AGMO: variants seen among roughly 807,000 people sequenced by gnomAD.
AGMO encodes the protein glyceryl-ether monooxygenase.
A neutral mutation model predicts 60.2 loss-of-function variants in AGMO; 75 were observed. The ratio of observed to expected loss-of-function variants is 1.25; its 90% CI spans 1.03 to 1.51. The LOEUF (loss-of-function observed/expected upper bound fraction) is 1.51, where lower values mean the gene tolerates loss of function less well. AGMO is among the 40% of genes most tolerant of loss of function. The pLI is 0.00. For missense variants in AGMO, 763 were observed against 525.5 expected, an observed-to-expected ratio of 1.45 and a Z score of -4.42; for synonymous variants, 261 against 177.1, an observed-to-expected ratio of 1.47 and a Z score of -3.76.
chr7:15,333,791 A>G (rs1297777586), intron 12 of AGMO, among the ~76,000 whole-genome samples: 1 of 152,106 alleles, frequency 6.6e-6, no homozygotes, highest in Non-Finnish European at 1.5e-5. Flanking sequence ...TGACTGCAAT[A>G]AATATCAAAG....
chr7:15,190,118 T>TGCAGC, the AGMO span, among the ~76,000 whole-genome samples: 13 of 1,438 alleles, frequency 9.0e-3, no homozygotes, highest in African/African-American at 0.018. Flanking sequence ...TATATATATA[T>TGCAGC]ATATATATTT....
chr7:15,298,724 C>A (rs903047059), intron 12 of AGMO, among the ~76,000 whole-genome samples: 2 of 152,046 alleles, frequency 1.3e-5, no homozygotes, highest in Admixed American at 6.6e-5. Flanking sequence ...TATCAAGCCA[C>A]TCATTAATTT....
intron 2 of AGMO, among the ~76,000 whole-genome samples, chr7:15,548,367 T>C (rs1784848465): frequency 6.6e-6 from 1 of 151,736 alleles, no homozygotes. Flanking sequence ...CAAATTACTC[T>C]GAGCTATGGG....
the AGMO span, among the ~76,000 whole-genome samples, chr7:15,123,161 C>T: frequency 2.0e-5 from 3 of 152,122 alleles, no homozygotes; most frequent in East Asian, 5.8e-4. Flanking sequence ...ACTCCTTCAC[C>T]TCCAGCAAGT....
At chr7:15,199,769 T>C (rs2115461933), downstream of AGMO, among the ~76,000 whole-genome samples, 1 of 152,316 alleles carries the variant, frequency 6.6e-6, no homozygotes, top group South Asian at 2.1e-4. Flanking sequence ...TAGGCTTACG[T>C]ATTGTCTATA....
intron 12 of AGMO, among the ~76,000 whole-genome samples, chr7:15,310,960 T>C (rs1193201329): frequency 6.6e-6 from 1 of 152,022 alleles, no homozygotes. Context: ...TCACTCTGAC[T>C]CTCCCGCCTC....
At chr7:15,354,137 A>G (rs1404660068) in intron 12 of AGMO, among the ~76,000 whole-genome samples, 1 of 151,618 alleles carries the variant, frequency 6.6e-6, no homozygotes, top group Non-Finnish European at 1.5e-5. Context: ...GGAAGAGGAC[A>G]ATGTTTTTTT....
intron 12 of AGMO, among the ~76,000 whole-genome samples, chr7:15,271,066 C>T (rs118186921): frequency 2.0e-5 from 3 of 152,106 alleles, no homozygotes; most frequent in Non-Finnish European, 4.4e-5. Context: ...GTTCTAGTTA[C>T]TACGGCCTTG....
downstream of AGMO, among the ~76,000 whole-genome samples, chr7:15,196,789 A>C (rs58037013): frequency 3.3e-5 from 5 of 152,174 alleles, no homozygotes; most frequent in Non-Finnish European, 5.9e-5. Flanking sequence ...TGAAGAAAGA[A>C]CATGCCCAAG....
chr7:15,337,845 GGC>G (rs1781712442), intron 12 of AGMO, among the ~76,000 whole-genome samples: 1 of 152,070 alleles, frequency 6.6e-6, no homozygotes, highest in Admixed American at 6.6e-5. Flanking sequence ...TAGGCACCTG[GGC>G]TCCACCTTTG....
At position 15,407,232 on chromosome 7, in the gene AGMO, C is replaced by T. The variant is rs75896281; in HGVS notation, c.609+11326G>A. On this transcript the variant is annotated intron_variant, in intron 5 of 12. Transcript: ENST00000342526. Reference sequence around the variant, plus strand: ...TTGAAAGGCCCCTTTCTTTGGAATACATATATATATATATATATGTATATA... The same window carrying T: ...TTGAAAGGCCCCTTTCTTTGGAATATATATATATATATATATATGTATATA... 6.7e-3 allele frequency among the ~76,000 whole-genome samples: 886 copies of T among 132,118 alleles called. 15 individuals are homozygous for T. Among genetic ancestry groups the T allele is most frequent in the African/African-American group, 0.022 (829 of 37,730 alleles). 86.7% of individuals were successfully genotyped at this position (132,118 alleles called of 152,430 possible). A position where few individuals can be genotyped will look rare whatever the true frequency, so the allele number is the denominator to read the frequency against.
intron 3 of AGMO, among the ~76,000 whole-genome samples, chr7:15,483,246 C>T (rs1782808839): frequency 6.6e-6 from 1 of 152,002 alleles, no homozygotes; most frequent in Non-Finnish European, 1.5e-5. Flanking sequence ...TAGTATGAAG[C>T]TATTAGAAGT....
At chr7:15,503,042 T>C (rs1016473070) in intron 3 of AGMO, among the ~76,000 whole-genome samples, 2 of 152,072 alleles carry the variant, frequency 1.3e-5, no homozygotes, top group Non-Finnish European at 2.9e-5. Flanking sequence ...AACTGAGACA[T>C]TGATTCAGAG....
intron 2 of AGMO, among the ~76,000 whole-genome samples, chr7:15,554,272 A>G (rs1421289411): frequency 1.3e-5 from 2 of 151,998 alleles, no homozygotes; most frequent in African/African-American, 4.8e-5. Flanking sequence ...AAACTGTCTA[A>G]ACTCCATCCT....
chr7:15,440,096 T>C (rs1349398929), intron 3 of AGMO, among the ~76,000 whole-genome samples: 1 of 152,224 alleles, frequency 6.6e-6, no homozygotes, highest in East Asian at 1.9e-4. Flanking sequence ...GAAAGAGAGA[T>C]GCTTGTGGGC....
intron 12 of AGMO, among the ~76,000 whole-genome samples, chr7:15,270,784 A>G (rs908713293): frequency 6.7e-6 from 1 of 150,098 alleles, no homozygotes. Flanking sequence ...GGATTTTTAT[A>G]ATTTCAAATC....
chr7:15,354,400 G>C (rs1347356716), intron 12 of AGMO, among the ~76,000 whole-genome samples: 1 of 34,908 alleles, frequency 2.9e-5, no homozygotes, highest in Non-Finnish European at 4.5e-5. Context: ...GTATACACGT[G>C]TGTGTACACA....
chr7:15,220,573 G>T (rs1005818966), intron 12 of AGMO, among the ~76,000 whole-genome samples: 2 of 151,966 alleles, frequency 1.3e-5, no homozygotes, highest in Admixed American at 1.3e-4. Flanking sequence ...CCTATTTAAA[G>T]TGCTTGGCAT....
In AGMO at chr7:15,393,546, G is replaced by A. The variant is rs1784239686; in HGVS notation, c.676+567C>T. ...GATGATATGCACATTGCTATATAGG[G>A]CTTGGGGTACACAATGTAAACATTT... On this transcript the variant is annotated intron_variant, in intron 6 of 12. Transcript: ENST00000342526. Among the ~76,000 whole-genome samples, 3 of 152,116 alleles carry A rather than the reference G, an allele frequency of 2.0e-5. 1 individual carries two copies. The highest frequency in any genetic ancestry group is 7.2e-5 in the African/African-American group (3 of 41,414).
Sources: gnomAD v4.1 joint callset for allele counts (sites outside exome capture counted in the v4.1 genomes callset) on GRCh38, gnomAD v4.1.1 for gene constraint, MANE v1.5 for transcripts, NCBI Gene and HGNC (gene_info 2026-07-23, HGNC 2026-07-21) for gene names.